Variants in SNTG1 observed in about 807,000 individuals in gnomAD.
The protein encoded by SNTG1 is syntrophin gamma 1, also known as gamma-1-syntrophin.
SNTG1 carries 39 observed loss-of-function variants against 74.7 expected under a neutral mutation model. The observed-to-expected ratio is 0.52, with a 90% CI of 0.40 to 0.68. The LOEUF (loss-of-function observed/expected upper bound fraction) is 0.68. Ranked by LOEUF, SNTG1 falls within the 30% of genes least tolerant of loss-of-function variation. SNTG1 has a pLI of 0.00. For missense variants in SNTG1, 685 were observed against 609.5 expected, an observed-to-expected ratio of 1.12 and a Z score of -1.30; for synonymous variants, 254 against 217.1, an observed-to-expected ratio of 1.17 and a Z score of -1.49.
At chr8:50,664,609 C>T (rs1474334420) in intron 15 of SNTG1, among the ~76,000 whole-genome samples, 3 of 152,164 alleles carry the variant, frequency 2.0e-5, no homozygotes, top group African/African-American at 7.2e-5. Context: ...GCCCTCATCT[C>T]TCTGGGCACC....
intron 18 of SNTG1, among the ~76,000 whole-genome samples, chr8:50,759,811 T>A (rs927026308): frequency 3.9e-5 from 6 of 152,126 alleles, no homozygotes; most frequent in African/African-American, 1.2e-4. Context: ...TTGCTTAGGA[T>A]TGTCCTGGCT....
intron 1 of SNTG1, among the ~76,000 whole-genome samples, chr8:50,044,504 C>T (rs1487553286): frequency 6.6e-6 from 1 of 152,148 alleles, no homozygotes; most frequent in African/African-American, 2.4e-5. Flanking sequence ...TTCATTTGAT[C>T]ATTCTCTACT....
At chr8:50,456,966 G>A (rs762204711) in intron 8 of SNTG1, 2 of 152,108 alleles carry the variant, frequency 1.3e-5, no homozygotes, top group African/African-American at 2.4e-5. Context: ...AGGAATGCGT[G>A]TTATACAAAT....
intron 13 of SNTG1, among the ~76,000 whole-genome samples, chr8:50,600,682 T>C (rs2094766338): frequency 1.3e-5 from 2 of 152,146 alleles, no homozygotes; most frequent in Non-Finnish European, 2.9e-5. Flanking sequence ...TCTTCTTTCT[T>C]TTTTTCTTAG....
chr8:50,277,264 C>CAAAA (rs11361478), intron 2 of SNTG1, among the ~76,000 whole-genome samples: 6 of 95,148 alleles, frequency 6.3e-5, no homozygotes, highest in African/African-American at 9.3e-5. Flanking sequence ...AAGACCCTGC[C>CAAAA]AAAAAAAAAA....
chr8:50,468,012 AT>A (rs34202618), intron 8 of SNTG1, among the ~76,000 whole-genome samples: 5 of 150,764 alleles, frequency 3.3e-5, no homozygotes, highest in Middle Eastern at 3.5e-3. Context: ...TATAATAAAT[AT>A]TTTTTTTTCA....
At chr8:50,314,326 T>C (rs756027628) in intron 2 of SNTG1, among the ~76,000 whole-genome samples, 1 of 149,672 alleles carries the variant, frequency 6.7e-6, no homozygotes, top group African/African-American at 2.5e-5. Flanking sequence ...GATTGGGACA[T>C]GCTTCAGTGT....
At chr8:50,378,990 C>G (rs918017919) in intron 2 of SNTG1, among the ~76,000 whole-genome samples, 2 of 152,152 alleles carry the variant, frequency 1.3e-5, no homozygotes, top group African/African-American at 4.8e-5. Flanking sequence ...TGGAGCCTTA[C>G]CAGGGTCTTG....
At chr8:50,311,624 GA>G (rs1467641001) in intron 2 of SNTG1, among the ~76,000 whole-genome samples, 2 of 152,124 alleles carry the variant, frequency 1.3e-5, no homozygotes, top group African/African-American at 4.8e-5. Context: ...TTGAAATTCT[GA>G]AAATATATTT....
intron 1 of SNTG1, among the ~76,000 whole-genome samples, chr8:49,930,883 T>G (rs1299978508): frequency 6.6e-6 from 1 of 152,148 alleles, no homozygotes. Flanking sequence ...TAAACTTTGT[T>G]TAGATACCAG....
chr8:50,196,584 A>T (rs2083777854), intron 2 of SNTG1, among the ~76,000 whole-genome samples: 1 of 152,042 alleles, frequency 6.6e-6, no homozygotes, highest in Non-Finnish European at 1.5e-5. Context: ...GTAGAAAAGT[A>T]CTCTTCATAG....
chr8:50,351,581 C>T (rs1213670504), intron 2 of SNTG1, among the ~76,000 whole-genome samples: 1 of 152,092 alleles, frequency 6.6e-6, no homozygotes, highest in Non-Finnish European at 1.5e-5. Flanking sequence ...TAGGCTACTA[C>T]ATGGAAATAT....
chr8:50,734,850 C>CAT (rs772175318), intron 17 of SNTG1, among the ~76,000 whole-genome samples: 2 of 60,736 alleles, frequency 3.3e-5, no homozygotes, highest in African/African-American at 1.4e-4. Context: ...TATATATGGA[C>CAT]ATATATATAT....
At chr8:50,392,932 C>T (rs145579765) in intron 2 of SNTG1, among the ~76,000 whole-genome samples, 28 of 151,928 alleles carry the variant, frequency 1.8e-4, no homozygotes, top group African/African-American at 6.5e-4. Flanking sequence ...TTTTTAGTAG[C>T]AAGAAATTGA....
intron 2 of SNTG1, among the ~76,000 whole-genome samples, chr8:50,320,437 TTTTG>T (rs781307121): frequency 3.3e-5 from 5 of 152,116 alleles, no homozygotes; most frequent in Non-Finnish European, 5.9e-5. Flanking sequence ...GATTTGACAA[TTTTG>T]TTTATCTTTC....
At chr8:50,467,318 T>A (rs2093616384) in intron 8 of SNTG1, among the ~76,000 whole-genome samples, 1 of 151,954 alleles carries the variant, frequency 6.6e-6, no homozygotes, top group South Asian at 2.1e-4. Flanking sequence ...TGTAATGTTA[T>A]TATTTATTCG....
At position 50,553,188 on chromosome 8, in the gene SNTG1, T is replaced by C. The variant is rs1585663239; in HGVS notation, c.810+9T>C. ...ATCTCACAAAGCACAATGTAAGTAATGATTCAAGGAATACCTAGCCAGGGT... is the reference window on the plus strand; with the variant it reads ...ATCTCACAAAGCACAATGTAAGTAACGATTCAAGGAATACCTAGCCAGGGT... On this transcript the variant is annotated intron_variant, in intron 12 of 18. Coordinates refer to ENST00000642720, the MANE Select transcript of SNTG1 (RefSeq NM_018967.5). 51 of 1,613,502 alleles carry C rather than the reference T, an allele frequency of 3.2e-5. No homozygotes were observed. Among genetic ancestry groups the C allele is most frequent in the Non-Finnish European group, 4.2e-5 (49 of 1,179,724 alleles).
At chr8:49,968,150 G>C (rs936173133) in intron 1 of SNTG1, among the ~76,000 whole-genome samples, 1 of 151,964 alleles carries the variant, frequency 6.6e-6, no homozygotes, top group African/African-American at 2.4e-5. Context: ...GAAAGATTTT[G>C]GGCAGAGCAG....
chr8:50,216,078 G>T (rs1475561402), intron 2 of SNTG1, among the ~76,000 whole-genome samples: 1 of 152,038 alleles, frequency 6.6e-6, no homozygotes, highest in Non-Finnish European at 1.5e-5. Context: ...TGATTCTTTG[G>T]TACTGACAGA....
Sources: allele counts gnomAD v4.1 joint callset (sites outside exome capture counted in the v4.1 genomes callset), GRCh38; gene constraint gnomAD v4.1.1; transcripts MANE v1.5; gene names NCBI Gene and HGNC (gene_info 2026-07-23, HGNC 2026-07-21).